The following TXNL4A variants were observed in gnomAD, a reference collection of about 807,000 sequenced individuals.
TXNL4A encodes the protein thioredoxin-like protein 4A.
In TXNL4A, 17 loss-of-function variants were observed where a neutral mutation model predicts 14.6. The observed-to-expected ratio is 1.16, with a 90% CI of 0.80 to 1.74. The LOEUF (loss-of-function observed/expected upper bound fraction) is 1.74. Among genes scored for constraint, TXNL4A ranks in the 40% most tolerant of loss-of-function variants. The probability of loss-of-function intolerance (pLI) is 0.00; values close to 1 mark genes in which losing one functional copy is unlikely to be tolerated. For synonymous variants in TXNL4A, 83 were observed against 70.6 expected, an observed-to-expected ratio of 1.18 and a Z score of -0.88; for missense variants, 74 against 195.2, an observed-to-expected ratio of 0.38 and a Z score of 3.70.
intron 1 of TXNL4A, among the ~76,000 whole-genome samples, chr18:79,994,133 C>T (rs1417358013): frequency 6.6e-6 from 1 of 152,210 alleles, no homozygotes; most frequent in Non-Finnish European, 1.5e-5. Context: ...CGGCCAGGTA[C>T]ATGCAAAATA....
At chr18:79,986,733 C>A (rs765543107) in intron 1 of TXNL4A, 2 of 985,346 alleles carry the variant, frequency 2.0e-6, no homozygotes, top group African/African-American at 3.5e-5. Context: ...GAACACCACC[C>A]GATGTTTATG....
chr18:79,997,435 A>T (rs1473883367), intron 1 of TXNL4A, among the ~76,000 whole-genome samples: 1 of 69,510 alleles, frequency 1.4e-5, no homozygotes, highest in Non-Finnish European at 3.7e-5. Flanking sequence ...TTTGTACATG[A>T]CTTGAGGGCA....
intron 2 of TXNL4A, among the ~76,000 whole-genome samples, chr18:79,974,128 G>C (rs956036070): frequency 2.0e-5 from 3 of 152,140 alleles, no homozygotes; most frequent in African/African-American, 7.2e-5. Context: ...AAAGGTCAAA[G>C]GAGGGCAGGC....
In TXNL4A at chr18:80,004,129, TAA is replaced by T. The variant is rs11306129; in HGVS notation, c.-60-26430_-60-26429del. On this transcript the variant is annotated intron_variant, in intron 1 of 2. Transcript: ENST00000585474. ...CAGGCATGAGCCACCATAAGCTACT[TAA>T]AAAAAAAAAAAAGCCTGGCAGTGTA... Among the ~76,000 whole-genome samples the T allele has an allele frequency of 7.2e-3, 1,044 of 145,264 alleles. 7 individuals are homozygous for T. The highest frequency in any genetic ancestry group is 0.018 in the African/African-American group (721 of 39,414).
intron 2 of TXNL4A, chr18:79,976,871 C>A (rs1278523525): frequency 2.3e-6 from 1 of 442,994 alleles, no homozygotes; most frequent in African/African-American, 2.0e-5. Context: ...ATAAAATAAT[C>A]TTGTATTTAT....
At chr18:79,999,065 T>C (rs4020405) in intron 1 of TXNL4A, among the ~76,000 whole-genome samples, 7 of 152,166 alleles carry the variant, frequency 4.6e-5, no homozygotes, top group African/African-American at 9.7e-5. Flanking sequence ...CTCAAGTGGC[T>C]GAGTTGACTG....
At chr18:79,978,994 G>A (rs12607279) in intron 1 of TXNL4A, among the ~76,000 whole-genome samples, 16,873 of 150,964 alleles carry the variant, frequency 0.11, 1,164 homozygotes, top group East Asian at 0.27. Context: ...CTGGAGTGCA[G>A]TTGCATGATC....
intron 1 of TXNL4A, among the ~76,000 whole-genome samples, chr18:80,029,858 G>A (rs1599759445): frequency 6.6e-6 from 1 of 151,632 alleles, no homozygotes; most frequent in African/African-American, 2.4e-5. Context: ...CATTGTGAGG[G>A]ACTTATCGCC....
At chr18:80,031,469 C>G (rs938123519) in intron 1 of TXNL4A, among the ~76,000 whole-genome samples, 8 of 152,146 alleles carry the variant, frequency 5.3e-5, no homozygotes, top group African/African-American at 1.7e-4. Context: ...TAATTCAGAC[C>G]CTGCCAAAAA....
At chr18:79,997,207 A>G (rs2051668631) in intron 1 of TXNL4A, among the ~76,000 whole-genome samples, 1 of 152,068 alleles carries the variant, frequency 6.6e-6, no homozygotes, top group Admixed American at 6.5e-5. Flanking sequence ...AAATATTCTC[A>G]GCCACTTCCA....
chr18:79,980,569 A>T lies in TXNL4A; in HGVS notation c.154-2868T>A, dbSNP rs187628648. On this transcript the variant is annotated intron_variant, in intron 1 of 2. Transcript: ENST00000269601. ...TTCTCTACTTTGGGAAATATTTTTT[A>T]AAAATTAAGATGGAAATGTAAACCA... Among the ~76,000 whole-genome samples the T allele has an allele frequency of 6.6e-4, 101 of 152,308 alleles. 1 individual carries two copies. The East Asian group carries it at 0.017, about 26-fold the overall frequency.
intron 1 of TXNL4A, 65 bp downstream of exon 1, chr18:79,988,175 C>A: frequency 7.3e-7 from 1 of 1,367,134 alleles, no homozygotes; most frequent in Non-Finnish European, 9.6e-7. Context: ...GCGACGCCGG[C>A]AGGGCAGAGG....
In TXNL4A at chr18:79,998,179, GCTA is replaced by G. The variant is rs1219848532; in HGVS notation, c.-60-20481_-60-20479del. On this transcript the variant is annotated intron_variant, in intron 1 of 2. Coordinates refer to the TXNL4A transcript ENST00000585474. ...CGTGGTGGCAGCACCTGTAGTCCCA[GCTA>G]CTCTGGAGGCTGAGGCAGGAGAATG... Among the ~76,000 whole-genome samples, 4 of 152,224 alleles carry G rather than the reference GCTA, an allele frequency of 2.6e-5. No homozygotes were observed. In the East Asian group the frequency reaches 7.8e-4, roughly 30 times the overall value.
At chr18:79,987,892 A>G (rs1432807741) in intron 1 of TXNL4A, among the ~76,000 whole-genome samples, 1 of 152,290 alleles carries the variant, frequency 6.6e-6, no homozygotes, top group Non-Finnish European at 1.5e-5. Context: ...GTCCTTTTAA[A>G]TTAAGGATCC....
intron 1 of TXNL4A, among the ~76,000 whole-genome samples, chr18:80,008,754 A>C (rs1200051549): frequency 6.6e-6 from 1 of 151,970 alleles, no homozygotes; most frequent in Non-Finnish European, 1.5e-5. Flanking sequence ...AGCAGTTGGA[A>C]ATTCATTCTA....
chr18:79,977,557 T>G (rs1599714585), intron 2 of TXNL4A, 41 bp downstream of exon 2: 15 of 1,456,956 alleles, frequency 1.0e-5, no homozygotes, highest in Non-Finnish European at 1.4e-5. Flanking sequence ...GCTTCCAAAC[T>G]GACAATATTC....
chr18:79,976,137 G>A (rs1259816129), intron 2 of TXNL4A, among the ~76,000 whole-genome samples: 1 of 152,222 alleles, frequency 6.6e-6, no homozygotes, highest in Admixed American at 6.5e-5. Flanking sequence ...AGTGCCTCAC[G>A]CTTTGGCAGC....
At position 79,977,712 on chromosome 18, in the gene TXNL4A, A is replaced by T; in HGVS notation, c.154-11T>A. On this transcript the variant is annotated splice_polypyrimidine_tract_variant and intron_variant, in intron 1 of 2. Coordinates refer to ENST00000269601, the MANE Select transcript of TXNL4A (RefSeq NM_006701.5). The stretch of plus-strand genomic sequence containing the variant: ...TGCAAAATTTTTAACCTAAAAGGAG[A>T]TTAAAAAAAAAAACTGAAATAACAG... 6.9e-7 allele frequency: 1 copy of T among 1,457,192 alleles called. No individual in the cohort carries two copies. The highest frequency in any genetic ancestry group is 9.5e-7 in the Non-Finnish European group (1 of 1,057,758). The allele number at this position is 1,457,192 out of a possible 1,614,324, so 90.3% of individuals were successfully genotyped here.
At chr18:80,028,436 T>G (rs947119146) in intron 1 of TXNL4A, among the ~76,000 whole-genome samples, 1 of 151,662 alleles carries the variant, frequency 6.6e-6, no homozygotes, top group African/African-American at 2.4e-5. Flanking sequence ...TATAATAATC[T>G]TAATCTGGCC....
Sources: allele counts gnomAD v4.1 joint callset (sites outside exome capture counted in the v4.1 genomes callset), GRCh38; gene constraint gnomAD v4.1.1; transcripts MANE v1.5; gene names NCBI Gene and HGNC (gene_info 2026-07-23, HGNC 2026-07-21).